The following NUCKS1 variants were observed in gnomAD, a reference collection of about 807,000 sequenced individuals.
NUCKS1 encodes the protein nuclear casein kinase and cyclin dependent kinase substrate 1.
In NUCKS1, 2 loss-of-function variants were observed where a neutral mutation model predicts 33.0. The observed-to-expected ratio is 0.06, with a 90% confidence interval of 0.02 to 0.19. NUCKS1 has a LOEUF of 0.19. Ranked by LOEUF, NUCKS1 falls within the 10% of genes least tolerant of loss-of-function variation. The pLI is 1.00. For missense variants in NUCKS1, 201 were observed against 293.6 expected (o/e 0.68, Z 2.31); for synonymous variants, 106 against 102.8 (o/e 1.03, Z -0.19).
At chr1:205,743,382 T>G (rs1013779133) in intron 1 of NUCKS1, among the ~76,000 whole-genome samples, 2 of 152,222 alleles carry the variant, frequency 1.3e-5, no homozygotes, top group Non-Finnish European at 2.9e-5. Flanking sequence ...ATCCGTTTCC[T>G]GATACCCAGG....
intron 6 of NUCKS1, among the ~76,000 whole-genome samples, chr1:205,718,805 T>C (rs762341846): frequency 1.2e-4 from 19 of 152,214 alleles, no homozygotes; most frequent in Admixed American, 5.2e-4. Context: ...AAACTAACAG[T>C]TGTTTATGAT....
At chr1:205,732,465 C>T (rs1229939321) in intron 1 of NUCKS1, among the ~76,000 whole-genome samples, 1 of 152,026 alleles carries the variant, frequency 6.6e-6, no homozygotes, top group Non-Finnish European at 1.5e-5. Flanking sequence ...AAGTACTTAA[C>T]AATACTGAAC....
rs555449636 is a variant in NUCKS1 at position 205,716,122 on chromosome 1, A to G, written c.*2158T>C. The stretch of plus-strand genomic sequence containing the variant: ...AAACAAGAAGCCCAATCAAATGCAC[A>G]CAAGTAATCTAGAAGACATGATTAC... On this transcript the variant is annotated 3_prime_UTR_variant, in exon 7 of 7. Transcript: ENST00000367142. 3 of 152,370 alleles carry G rather than the reference A, an allele frequency of 2.0e-5. No homozygotes were observed. The highest frequency in any genetic ancestry group is 4.4e-5 in the Non-Finnish European group (3 of 68,042). The allele number at this position is 152,370 out of a possible 1,614,324, so 9.4% of individuals were successfully genotyped here.
At position 205,750,014 on chromosome 1, in the gene NUCKS1, C is replaced by CCGGGG; in HGVS notation, c.-42_-41insCCCCG. Reference sequence around the variant, plus strand: ...AGGACCGAGTCGAGAAGCCAAAGACCAGGACCCCCCCCACCCCGCGCGCTC... The same window carrying CCGGGG: ...AGGACCGAGTCGAGAAGCCAAAGACCCGGGGAGGACCCCCCCCACCCCGCGCGCTC... On this transcript the variant is annotated 5_prime_UTR_variant, in exon 1 of 7. Coordinates refer to ENST00000367142, the MANE Select transcript of NUCKS1 (RefSeq NM_022731.5). 3 of 1,568,890 alleles carry CCGGGG rather than the reference C, an allele frequency of 1.9e-6. No individual in the cohort carries two copies. Among genetic ancestry groups the CCGGGG allele is most frequent in the Non-Finnish European group, 1.7e-6 (2 of 1,154,170 alleles).
intron 1 of NUCKS1, among the ~76,000 whole-genome samples, chr1:205,738,601 T>A (rs1320276110): frequency 1.3e-5 from 2 of 152,062 alleles, no homozygotes; most frequent in East Asian, 3.9e-4. Flanking sequence ...TGGCAGCACA[T>A]ATACTAAAAT....
chr1:205,743,279 G>A (rs1326735301), intron 1 of NUCKS1, among the ~76,000 whole-genome samples: 1 of 152,158 alleles, frequency 6.6e-6, no homozygotes, highest in Non-Finnish European at 1.5e-5. Flanking sequence ...GTGAGAAAAA[G>A]TTTTGAAAAT....
chr1:205,723,168 G>C (rs1405393131), intron 4 of NUCKS1, among the ~76,000 whole-genome samples: 1 of 152,188 alleles, frequency 6.6e-6, no homozygotes, highest in Non-Finnish European at 1.5e-5. Flanking sequence ...CAGCTAAGCA[G>C]AGTGAATTTA....
At chr1:205,738,866 C>A (rs1390696708) in intron 1 of NUCKS1, among the ~76,000 whole-genome samples, 1 of 152,022 alleles carries the variant, frequency 6.6e-6, no homozygotes, top group Non-Finnish European at 1.5e-5. Flanking sequence ...GTCGAGATCA[C>A]CACACTGCAC....
At position 205,717,077 on chromosome 1, in the gene NUCKS1, G is replaced by A. The variant is rs763529248; in HGVS notation, c.*1203C>T. 6.4e-6 allele frequency: 1 copy of A among 156,300 alleles called. No individual in the cohort carries two copies. Among genetic ancestry groups the A allele is most frequent in the Non-Finnish European group, 1.4e-5 (1 of 71,808 alleles). The allele number at this position is 156,300 out of a possible 1,614,324, so 9.7% of individuals were successfully genotyped here. ...AGAGGTGGTTGGCACTCGGGGTAGG[G>A]TGTGCAGTGGTGCTCTACGAAGCAG... is the stretch of plus-strand genomic sequence containing the variant. On this transcript the variant is annotated 3_prime_UTR_variant, in exon 7 of 7. Transcript: ENST00000367142.
At position 205,713,746 on chromosome 1, in the gene NUCKS1, C is replaced by T. The variant is rs1413722288; in HGVS notation, c.*4534G>A. ...AATGCCCAACCCTCTGGTGTCTGAT[C>T]ATGTATCTAGCAACATTGCAGTATG... On this transcript the variant is annotated 3_prime_UTR_variant, in exon 7 of 7. Coordinates refer to ENST00000367142, the MANE Select transcript of NUCKS1 (RefSeq NM_022731.5). The T allele has an allele frequency of 6.6e-6, 1 of 152,188 alleles. No homozygotes were observed. The highest frequency in any genetic ancestry group is 2.4e-5 in the African/African-American group (1 of 41,432). 9.4% of individuals were successfully genotyped at this position (152,188 alleles called of 1,614,324 possible).
chr1:205,726,220 CA>C (rs1196736503), intron 3 of NUCKS1, among the ~76,000 whole-genome samples: 1 of 151,950 alleles, frequency 6.6e-6, no homozygotes, highest in Non-Finnish European at 1.5e-5. Context: ...AACAAACAAA[CA>C]AAAAACTGTT....
At chr1:205,744,801 T>C (rs1020165483) in intron 1 of NUCKS1, among the ~76,000 whole-genome samples, 4 of 151,900 alleles carry the variant, frequency 2.6e-5, no homozygotes, top group Non-Finnish European at 5.9e-5. Flanking sequence ...CCTGGCTAAT[T>C]TTGTATTTTC....
chr1:205,724,068 G>A (rs1168424253), intron 3 of NUCKS1, 87 bp from the exon 4 acceptor site: 1 of 990,482 alleles, frequency 1.0e-6, no homozygotes, highest in Non-Finnish European at 1.6e-6. Flanking sequence ...GACTTGAGAA[G>A]AAGTGAAAAA....
At chr1:205,725,684 T>C (rs1223106218) in intron 3 of NUCKS1, among the ~76,000 whole-genome samples, 1 of 152,130 alleles carries the variant, frequency 6.6e-6, no homozygotes, top group African/African-American at 2.4e-5. Context: ...AGAGCACTGG[T>C]CTGAGAATAA....
chr1:205,718,217 CCTCT>C lies in NUCKS1; in HGVS notation c.*59_*62del, dbSNP rs1370985075. On this transcript the variant is annotated 3_prime_UTR_variant, in exon 7 of 7. Coordinates refer to ENST00000367142, the MANE Select transcript of NUCKS1 (RefSeq NM_022731.5). ...CTTAAGTAGGTTCTTTTTTTTCCTC[CCTCT>C]TTTTTCTTTTTTTTTCTTTTTTTTT... is the stretch of plus-strand genomic sequence containing the variant. The C allele has an allele frequency of 2.5e-5, 37 of 1,501,196 alleles. No individual in the cohort carries two copies. Among genetic ancestry groups the C allele is most frequent in the Non-Finnish European group, 3.2e-5 (36 of 1,132,138 alleles). The allele number at this position is 1,501,196 out of a possible 1,614,324, so 93.0% of individuals were successfully genotyped here.
At chr1:205,729,499 T>G in intron 2 of NUCKS1, 73 bp downstream of exon 2, 1 of 993,642 alleles carries the variant, frequency 1.0e-6, no homozygotes, top group South Asian at 1.4e-5. Flanking sequence ...TCCAAAAGCA[T>G]AATAAAACTA....
intron 1 of NUCKS1, among the ~76,000 whole-genome samples, chr1:205,730,740 C>T (rs1661529258): frequency 6.6e-6 from 1 of 152,108 alleles, no homozygotes; most frequent in African/African-American, 2.4e-5. Flanking sequence ...GTCTTGGCCT[C>T]CCAAAGTGCT....
intron 6 of NUCKS1, among the ~76,000 whole-genome samples, chr1:205,718,743 AAAG>A (rs1333210345): frequency 6.6e-6 from 1 of 152,214 alleles, no homozygotes; most frequent in African/African-American, 2.4e-5. Context: ...TAATACCTGT[AAAG>A]AAGAAGCACC....
At chr1:205,727,612 T>G in intron 3 of NUCKS1, 88 bp downstream of exon 3, 117 of 878,806 alleles carry the variant, frequency 1.3e-4, no homozygotes, top group Middle Eastern at 2.2e-4. Flanking sequence ...CAAAAGTATA[T>G]GAGATTCCAA....
Sources: gnomAD v4.1 joint callset for allele counts (sites outside exome capture counted in the v4.1 genomes callset) on GRCh38, gnomAD v4.1.1 for gene constraint, MANE v1.5 for transcripts, NCBI Gene and HGNC (gene_info 2026-07-23, HGNC 2026-07-21) for gene names.